Variants in SLC11A2 observed in about 807,000 individuals in gnomAD.
SLC11A2 encodes the protein natural resistance-associated macrophage protein 2.
A neutral mutation model predicts 68.0 loss-of-function variants in SLC11A2; 38 were observed. That is an observed-to-expected ratio of 0.56 (90% CI 0.43 to 0.73). SLC11A2 has a LOEUF of 0.73. SLC11A2 is among the 30% of genes least tolerant of loss of function. SLC11A2 has a pLI of 0.00. For synonymous variants in SLC11A2, 242 were observed against 250.6 expected (o/e 0.97, Z 0.32); for missense variants, 517 against 690.5 (o/e 0.75, Z 2.82).
At chr12:51,009,089 C>T in intron 2 of SLC11A2, 1 of 1,287,880 alleles carries the variant, frequency 7.8e-7, no homozygotes, top group East Asian at 2.5e-5. Context: ...AAATGTCCTC[C>T]CCACCTCCTA....
intron 1 of SLC11A2, among the ~76,000 whole-genome samples, chr12:51,013,415 G>A (rs532507819): frequency 2.0e-5 from 3 of 150,236 alleles, no homozygotes; most frequent in East Asian, 2.0e-4. Flanking sequence ...CTCAGCCTCC[G>A]AAGTAGCTAG....
At chr12:50,959,535 G>A in the SLC11A2 span, among the ~76,000 whole-genome samples, 2 of 151,982 alleles carry the variant, frequency 1.3e-5, no homozygotes, top group African/African-American at 4.8e-5. Flanking sequence ...TTTTTTCAGG[G>A]TCTAGTGTGA....
At chr12:50,958,357 C>T in the SLC11A2 span, among the ~76,000 whole-genome samples, 152 of 149,942 alleles carry the variant, frequency 1.0e-3, 1 homozygote, top group Non-Finnish European at 1.8e-3. Flanking sequence ...TCTCGGCTCA[C>T]TGCAAGCTCT....
chr12:50,984,826 T>C (rs769874737), downstream of SLC11A2, among the ~76,000 whole-genome samples: 8 of 152,182 alleles, frequency 5.3e-5, no homozygotes, highest in African/African-American at 1.2e-4. Flanking sequence ...AATCAGAGTA[T>C]GAAACAAATG....
downstream of SLC11A2, among the ~76,000 whole-genome samples, chr12:50,982,379 AC>A (rs1265810704): frequency 6.6e-6 from 1 of 152,208 alleles, no homozygotes; most frequent in African/African-American, 2.4e-5. Context: ...TAAACCCAGC[AC>A]TTTGGGAGGC....
At chr12:50,968,438 G>A in the SLC11A2 span, among the ~76,000 whole-genome samples, 5 of 152,034 alleles carry the variant, frequency 3.3e-5, no homozygotes, top group South Asian at 2.1e-4. Context: ...TCCGGCTGGC[G>A]TGCAGTGGCG....
At chr12:50,956,488 T>C in the SLC11A2 span, among the ~76,000 whole-genome samples, 1 of 152,220 alleles carries the variant, frequency 6.6e-6, no homozygotes, top group Non-Finnish European at 1.5e-5. Flanking sequence ...GGATGGAGGG[T>C]CCTATGCAGG....
At chr12:51,000,522 T>C in intron 5 of SLC11A2, 103 bp from the exon 6 acceptor site, 1 of 822,688 alleles carries the variant, frequency 1.2e-6, no homozygotes, top group Non-Finnish European at 2.1e-6. Context: ...TAAACAGTCC[T>C]TTATAAGCCT....
intron 1 of SLC11A2, among the ~76,000 whole-genome samples, chr12:51,022,073 C>G (rs1632793): frequency 6.6e-6 from 1 of 152,134 alleles, no homozygotes; most frequent in Non-Finnish European, 1.5e-5. Flanking sequence ...TCACTAAAGT[C>G]TTACTTCCAG....
At chr12:50,993,883 C>G (rs573637174) in intron 11 of SLC11A2, among the ~76,000 whole-genome samples, 1 of 149,542 alleles carries the variant, frequency 6.7e-6, no homozygotes, top group South Asian at 2.1e-4. Context: ...GTCCCATTAC[C>G]CAAAAGACTG....
In SLC11A2 at chr12:50,987,824, A is replaced by G. The variant is rs1405227484; in HGVS notation, c.*501T>C. On this transcript the variant is annotated 3_prime_UTR_variant, in exon 16 of 16. Transcript: ENST00000262052. ...TTCATTTTATATTTCATATGGATGA[A>G]GCTATTCTAGTTGATAATTTGGTAT... 21 of 1,263,632 alleles carry G rather than the reference A, an allele frequency of 1.7e-5. No homozygotes were observed. Among genetic ancestry groups the G allele is most frequent in the Non-Finnish European group, 2.1e-5 (21 of 979,156 alleles). The allele number at this position is 1,263,632 out of a possible 1,614,324, so 78.3% of individuals were successfully genotyped here. A position where few individuals can be genotyped will look rare whatever the true frequency, so the allele number is the denominator to read the frequency against.
chr12:50,988,679 G>A (rs1269817405), intron 15 of SLC11A2, among the ~76,000 whole-genome samples: 2 of 151,986 alleles, frequency 1.3e-5, no homozygotes, highest in African/African-American at 2.4e-5. Context: ...TTACTGCTTT[G>A]TGTCTGTGGT....
In SLC11A2 at chr12:50,988,207, C is replaced by T. The variant is rs766238984; in HGVS notation, c.*118G>A. 3.2e-5 allele frequency: 50 copies of T among 1,570,780 alleles called. No individual in the cohort carries two copies. The African/African-American group carries it at 4.7e-4, about 15-fold the overall frequency. On this transcript the variant is annotated 3_prime_UTR_variant, in exon 16 of 16. Coordinates refer to ENST00000262052, the MANE Select transcript of SLC11A2 (RefSeq NM_000617.3). Reference sequence around the variant, plus strand: ...ATGAAACAAAGTCTTTTCCAACCAACGGTTGAGTCATAAACACAGTCTGTG... The same window carrying T: ...ATGAAACAAAGTCTTTTCCAACCAATGGTTGAGTCATAAACACAGTCTGTG...
At chr12:50,955,678 T>C in the SLC11A2 span, among the ~76,000 whole-genome samples, 1 of 152,234 alleles carries the variant, frequency 6.6e-6, no homozygotes, top group Non-Finnish European at 1.5e-5. Context: ...TTTACAGTAA[T>C]ATTCTGTTTA....
chr12:51,005,734 C>G, intron 3 of SLC11A2: 2 of 1,275,528 alleles, frequency 1.6e-6, no homozygotes, highest in Admixed American at 4.6e-5. Context: ...CCAAAAAGGA[C>G]AAGAGCCACC....
At chr12:50,953,609 T>G in the SLC11A2 span, among the ~76,000 whole-genome samples, 27 of 152,362 alleles carry the variant, frequency 1.8e-4, no homozygotes, top group Non-Finnish European at 3.2e-4. Context: ...ACTGCCATAC[T>G]TCTTTAAAAT....
rs746988310 is a variant in SLC11A2 at position 50,986,843 on chromosome 12, G to T, written c.*1482C>A. Reference sequence around the variant, plus strand: ...ATAAAAGACCATCCATCCAGTCTGCGCTTTTGACTGTGTGCAAGTATCAGT... The same window carrying T: ...ATAAAAGACCATCCATCCAGTCTGCTCTTTTGACTGTGTGCAAGTATCAGT... On this transcript the variant is annotated 3_prime_UTR_variant, in exon 16 of 16. Coordinates refer to ENST00000262052, the MANE Select transcript of SLC11A2 (RefSeq NM_000617.3). 32 of 1,287,016 alleles carry T rather than the reference G, an allele frequency of 2.5e-5. No homozygotes were observed. The highest frequency in any genetic ancestry group is 3.1e-5 in the Non-Finnish European group (31 of 988,666). The allele number at this position is 1,287,016 out of a possible 1,614,324, so 79.7% of individuals were successfully genotyped here. A position where few individuals can be genotyped will look rare whatever the true frequency, so the allele number is the denominator to read the frequency against.
intron 3 of SLC11A2, among the ~76,000 whole-genome samples, chr12:51,007,367 C>T (rs1942812338): frequency 6.6e-6 from 1 of 152,304 alleles, no homozygotes; most frequent in Non-Finnish European, 1.5e-5. Flanking sequence ...CAGAGTCTCA[C>T]TCTGTCACTC....
rs370116016 is a variant in SLC11A2 at position 50,996,930 on chromosome 12, T to C, written c.718A>G (p.Met240Val). ...CAGCCTGAACAGGATGGTACGAACA[T>C]GCCCTTGAGTACCTGGCTCTGGCTG... ...KPSQSQVLKG[M>V]FVPSCSGCRT... The change falls in exon 9 of 16, where the codon ATG (methionine) becomes GTG (valine). Residue 240 changes from methionine (M) to valine (V), a missense_variant. By Grantham distance (21) the Met-to-Val change is conservative. Transcript: ENST00000262052. 2.5e-5 allele frequency: 41 copies of C among 1,613,964 alleles called. 1 individual carries two copies. Among genetic ancestry groups the C allele is most frequent in the South Asian group, 1.4e-4 (13 of 91,086 alleles).
Sources: allele counts gnomAD v4.1 joint callset (sites outside exome capture counted in the v4.1 genomes callset), GRCh38; gene constraint gnomAD v4.1.1; transcripts MANE v1.5; gene names NCBI Gene and HGNC (gene_info 2026-07-23, HGNC 2026-07-21).